CTU1: variants seen among roughly 807,000 people sequenced by gnomAD.
CTU1 encodes the protein cytosolic thiouridylase subunit 1.
Under a neutral mutation model 12.9 loss-of-function variants are expected in CTU1, and 15 were observed. The ratio of observed to expected loss-of-function variants is 1.16; its 90% confidence interval spans 0.78 to 1.79. CTU1 has a LOEUF of 1.79. Ranked by LOEUF, CTU1 falls within the 40% of genes most tolerant of loss-of-function variation. The pLI is 0.00. For missense variants in CTU1, 553 were observed against 550.5 expected, an observed-to-expected ratio of 1.00 and a Z score of -0.05; for synonymous variants, 295 against 275.6, an observed-to-expected ratio of 1.07 and a Z score of -0.70.
chr19:51,101,917 A>AT (rs941374727), intron 2 of CTU1, among the ~76,000 whole-genome samples: 1 of 152,110 alleles, frequency 6.6e-6, no homozygotes, highest in Admixed American at 6.5e-5. Flanking sequence ...CAAGTCAGGG[A>AT]TTTTTCTGGA....
chr19:51,106,473 C>T (rs77204760), intron 1 of CTU1, among the ~76,000 whole-genome samples: 1 of 151,498 alleles, frequency 6.6e-6, no homozygotes, highest in Non-Finnish European at 1.5e-5. Context: ...TGCCTAGCAC[C>T]CATCTCTTTC....
At chr19:51,103,938 A>T in intron 2 of CTU1, 124 bp downstream of exon 2, 1 of 1,041,922 alleles carries the variant, frequency 9.6e-7, no homozygotes, top group Non-Finnish European at 1.3e-6. Flanking sequence ...CCATTAAGCC[A>T]CCAGGGTCTC....
rs2091925047 is a variant in CTU1, at chr19:51,108,224, C to G, written c.-22+123G>C. 1 of 152,200 alleles carries G rather than the reference C, an allele frequency of 6.6e-6. No homozygotes were observed. The highest frequency in any genetic ancestry group is 2.4e-5 in the African/African-American group (1 of 41,414). 9.4% of individuals were successfully genotyped at this position (152,200 alleles called of 1,614,324 possible). ...AGTGGGAATCCTGGCTACAAGGCCTCAGGGACACGGGCGCTGGGAAATCAC... is the reference window on the plus strand; with the variant it reads ...AGTGGGAATCCTGGCTACAAGGCCTGAGGGACACGGGCGCTGGGAAATCAC... On this transcript the variant is annotated intron_variant, in intron 1 of 2. Transcript: ENST00000421832. This position sits in a 1 kb window ranked among gnomAD's most constrained non-coding sequence, Gnocchi z 4.5.
rs1269245624 is a variant in CTU1, at chr19:51,097,831, CAG to C, written c.*768_*769del. The C allele has an allele frequency of 6.6e-6, 1 of 152,098 alleles. No individual in the cohort carries two copies. The highest frequency in any genetic ancestry group is 1.5e-5 in the Non-Finnish European group (1 of 68,088). 9.4% of individuals were successfully genotyped at this position (152,098 alleles called of 1,614,324 possible). On this transcript the variant is annotated 3_prime_UTR_variant, in exon 3 of 3. Transcript: ENST00000421832. ...GCATCCAACCCCTCCTCACCCGTGACAGAGATACCAGGAGAGATTCGAGAGGG... is the reference window on the plus strand; with the variant it reads ...GCATCCAACCCCTCCTCACCCGTGACAGATACCAGGAGAGATTCGAGAGGG...
At chr19:51,105,076 AG>A (rs2091917208) in intron 1 of CTU1, among the ~76,000 whole-genome samples, 1 of 152,102 alleles carries the variant, frequency 6.6e-6, no homozygotes, top group Admixed American at 6.5e-5. Context: ...GAGGGAGGCC[AG>A]GGGACTGAAG....
chr19:51,103,277 C>T lies in CTU1; in HGVS notation c.508+785G>A, dbSNP rs534314428. On this transcript the variant is annotated intron_variant, in intron 2 of 2. Transcript: ENST00000421832. ...GTTGGGATCCGGCATATAGCAGAAA[C>T]TTAGCATCTGTTTGTTGAAGGAATG... 1.2e-4 allele frequency among the ~76,000 whole-genome samples: 18 copies of T among 152,186 alleles called. No individual in the cohort carries two copies. In the South Asian group the frequency reaches 3.7e-3, roughly 32 times the overall value.
intron 2 of CTU1, among the ~76,000 whole-genome samples, chr19:51,102,228 G>A (rs930132900): frequency 3.3e-5 from 5 of 152,120 alleles, no homozygotes; most frequent in African/African-American, 1.2e-4. Flanking sequence ...GGCCTCGAAC[G>A]TTTGACCTTG....
In CTU1 at chr19:51,098,501, C is replaced by T. The variant is rs547458356; in HGVS notation, c.*100G>A. 9 of 1,107,794 alleles carry T rather than the reference C, an allele frequency of 8.1e-6. No homozygotes were observed. The highest frequency in any genetic ancestry group is 4.6e-5 in the Admixed American group (1 of 21,644). The allele number at this position is 1,107,794 out of a possible 1,614,324, so 68.6% of individuals were successfully genotyped here. A position where few individuals can be genotyped will look rare whatever the true frequency, so the allele number is the denominator to read the frequency against. On this transcript the variant is annotated 3_prime_UTR_variant, in exon 3 of 3. Transcript: ENST00000421832. The surrounding 1 kb of genome is among the most constrained non-coding windows in gnomAD (Gnocchi z 4.3). ...ATGGGCCCCCGTCTCCTTCCCAACC[C>T]CACATGGAAGGCCAGGTAAGGTAAC...
intron 2 of CTU1, among the ~76,000 whole-genome samples, chr19:51,103,122 T>A (rs1423478002): frequency 1.3e-5 from 2 of 152,208 alleles, no homozygotes; most frequent in Non-Finnish European, 2.9e-5. Flanking sequence ...ATAATATAGA[T>A]AACGTTATAC....
chr19:51,104,023 C>G, intron 2 of CTU1, 39 bp downstream of exon 2: 1 of 1,415,340 alleles, frequency 7.1e-7, no homozygotes, highest in Non-Finnish European at 9.1e-7. Flanking sequence ...CGCCCCACTG[C>G]CTCGGAGAGT....
chr19:51,104,362 C>T lies in CTU1; in HGVS notation c.208G>A (p.Val70Met), dbSNP rs1461795571. ...GGKDSTVLAH[V>M]LRALAPRLGI... ...AGGCGCGGCGCCAGCGCGCGCAGCACGTGCGCCAGCACCGTGGAGTCCTTG... is the reference window on the plus strand; with the variant it reads ...AGGCGCGGCGCCAGCGCGCGCAGCATGTGCGCCAGCACCGTGGAGTCCTTG... The change falls in exon 2 of 3, where the codon GTG becomes ATG. Residue 70 changes from valine to methionine, a missense_variant. This residue lies in a region of CTU1 where 500 missense variants were observed against 458.5 expected (regional missense o/e 1.09). Coordinates refer to ENST00000421832, the MANE Select transcript of CTU1 (RefSeq NM_145232.4). The T allele has an allele frequency of 8.8e-5, 126 of 1,426,028 alleles. No homozygotes were observed. Among genetic ancestry groups the T allele is most frequent in the Non-Finnish European group, 1.1e-4 (121 of 1,094,980 alleles). The allele number at this position is 1,426,028 out of a possible 1,614,324, so 88.3% of individuals were successfully genotyped here.
In CTU1 at chr19:51,099,063, G is replaced by A. The variant is rs1191680701; in HGVS notation, c.585C>T (p.Gly195=). 5 of 1,518,476 alleles carry A rather than the reference G, an allele frequency of 3.3e-6. No individual in the cohort carries two copies. Among genetic ancestry groups the A allele is most frequent in the African/African-American group, 1.4e-5 (1 of 70,924 alleles). The allele number at this position is 1,518,476 out of a possible 1,614,324, so 94.1% of individuals were successfully genotyped here. A position where few individuals can be genotyped will look rare whatever the true frequency, so the allele number is the denominator to read the frequency against. The change falls in exon 3 of 3, where the codon GGC becomes GGT. Residue 195 remains glycine, a synonymous_variant. Coordinates refer to ENST00000421832, the MANE Select transcript of CTU1 (RefSeq NM_145232.4). The part of the protein sequence containing the change: ...LRGDAGRLAR[G]GGLGSPGEGG... ...CCTCGCCGGGAGAGCCCAGGCCCCC[G>A]CCCCGGGCCAGCCGCCCCGCGTCGC... is the stretch of plus-strand genomic sequence containing the variant.
chr19:51,098,679 AC>A lies in CTU1; in HGVS notation c.968del (p.Gly323ValfsTer36). 7.7e-7 allele frequency: 1 copy of A among 1,295,216 alleles called. No individual in the cohort carries two copies. Among genetic ancestry groups the A allele is most frequent in the Non-Finnish European group, 9.8e-7 (1 of 1,019,732 alleles). The allele number at this position is 1,295,216 out of a possible 1,614,324, so 80.2% of individuals were successfully genotyped here. A position where few individuals can be genotyped will look rare whatever the true frequency, so the allele number is the denominator to read the frequency against. The stretch of plus-strand genomic sequence containing the variant: ...TCCCCGGCGTCGCCTCCTCGTCCAG[AC>A]CCCGGCGGCCCTTGCCGATGGCCAG... ...PRLAIGKGRRGLDEEATPGTP... is the reference protein window; with the variant it reads ...PRLAIGKGRRXLDEEATPGTP... On this transcript the variant is annotated frameshift_variant, in exon 3 of 3. Coordinates refer to ENST00000421832, the MANE Select transcript of CTU1 (RefSeq NM_145232.4). LOFTEE classifies it low-confidence loss of function (END_TRUNC). The surrounding 1 kb of genome is among the most constrained non-coding windows in gnomAD (Gnocchi z 4.3).
At chr19:51,103,980 C>T (rs2091913124) in intron 2 of CTU1, 82 bp downstream of exon 2, 4 of 1,300,440 alleles carry the variant, frequency 3.1e-6, no homozygotes, top group South Asian at 1.9e-5. Flanking sequence ...CGCCTGAATC[C>T]CCTTTCAGGT....
At chr19:51,099,869 T>A (rs979540829) in intron 2 of CTU1, among the ~76,000 whole-genome samples, 3 of 152,154 alleles carry the variant, frequency 2.0e-5, no homozygotes, top group Non-Finnish European at 4.4e-5. Flanking sequence ...GGGCTGCTAA[T>A]CAGCTGACTT....
At chr19:51,104,655 G>C (rs1245522054) in intron 1 of CTU1, 65 bp from the exon 2 acceptor site, 1 of 1,166,676 alleles carries the variant, frequency 8.6e-7, no homozygotes, top group Non-Finnish European at 1.1e-6. Flanking sequence ...CCTGCCATCG[G>C]GGAGATTGTC....
intron 1 of CTU1, among the ~76,000 whole-genome samples, 169 bp from the exon 2 acceptor site, chr19:51,104,759 T>C (rs932690483): frequency 1.3e-4 from 20 of 152,026 alleles, no homozygotes; most frequent in African/African-American, 4.8e-4. Context: ...TATAAATAGG[T>C]CCGGTGTAAG....
At chr19:51,106,348 G>A (rs887662223) in intron 1 of CTU1, among the ~76,000 whole-genome samples, 6 of 152,148 alleles carry the variant, frequency 3.9e-5, no homozygotes, top group African/African-American at 1.4e-4. Context: ...ATCTGTCACA[G>A]GTGAGCAGCA....
Position 51,098,983 on chromosome 19 carries a change from A to G in CTU1, c.665T>C (p.Val222Ala). 1.3e-6 allele frequency: 2 copies of G among 1,543,534 alleles called. No individual in the cohort carries two copies. Among genetic ancestry groups the G allele is most frequent in the African/African-American group, 2.8e-5 (2 of 71,370 alleles). Residue 222 changes from valine to alanine, a missense_variant, in exon 3 of 3, where the codon GTG becomes GCG. Transcript: ENST00000421832. The surrounding 1 kb of genome is among the most constrained non-coding windows in gnomAD (Gnocchi z 4.3). ...GAGGCGGCGGAAGTGCGCGTACAGC[A>G]CCACCTCCTTCTGCGAGGCGAACTG... ...PLQFASQKEVVLYAHFRRLDY... is the reference protein window; with the variant it reads ...PLQFASQKEVALYAHFRRLDY...
Sources: allele counts gnomAD v4.1 joint callset (sites outside exome capture counted in the v4.1 genomes callset), GRCh38; gene constraint gnomAD v4.1.1; regional missense constraint gnomAD v4.1.1; non-coding constraint Gnocchi (gnomAD v3.1); transcripts MANE v1.5; gene names NCBI Gene and HGNC (gene_info 2026-07-23, HGNC 2026-07-21).